Variants in SHTN1 observed in about 807,000 individuals in gnomAD.
SHTN1 encodes the protein shootin 1.
Under a neutral mutation model 83.1 loss-of-function variants are expected in SHTN1, and 42 were observed. The ratio of observed to expected loss-of-function variants is 0.51; its 90% CI spans 0.39 to 0.65. SHTN1 has a LOEUF of 0.65. SHTN1 is among the 30% of genes least tolerant of loss of function. SHTN1 has a pLI of 0.00. For missense variants in SHTN1, 622 were observed against 737.8 expected (o/e 0.84, Z 1.82); for synonymous variants, 224 against 247.7 (o/e 0.90, Z 0.90).
intron 1 of SHTN1, among the ~76,000 whole-genome samples, chr10:116,980,164 C>T (rs1262948457): frequency 6.6e-6 from 1 of 152,048 alleles, no homozygotes; most frequent in Non-Finnish European, 1.5e-5. Context: ...GTTTTGAACA[C>T]ATGAAGTGAG....
chr10:116,926,727 A>C (rs561814868), intron 11 of SHTN1, among the ~76,000 whole-genome samples: 52 of 151,914 alleles, frequency 3.4e-4, no homozygotes, highest in Middle Eastern at 6.8e-3. Flanking sequence ...AAAAAAAAAA[A>C]CCCTAGAAAA....
intron 12 of SHTN1, among the ~76,000 whole-genome samples, chr10:116,916,411 A>G (rs1848383906): frequency 6.6e-6 from 1 of 152,182 alleles, no homozygotes; most frequent in Non-Finnish European, 1.5e-5. Context: ...AGTTTATCTA[A>G]TAAGGACCTT....
At chr10:116,911,590 A>T in intron 14 of SHTN1, 200 bp downstream of exon 14, 2 of 1,551,196 alleles carry the variant, frequency 1.3e-6, no homozygotes, top group Non-Finnish European at 8.7e-7. Flanking sequence ...TTTAGAACAA[A>T]AACAGCACAG....
At chr10:116,915,519 T>G (rs1463099241) in intron 12 of SHTN1, 35 bp from the exon 13 acceptor site, 1 of 1,242,400 alleles carries the variant, frequency 8.0e-7, no homozygotes, top group Non-Finnish European at 1.2e-6. Context: ...TCCTCTTATG[T>G]TACAAGAAAA....
chr10:117,041,558 C>CAT (rs1220382544), intron 2 of SHTN1, among the ~76,000 whole-genome samples: 1 of 152,126 alleles, frequency 6.6e-6, no homozygotes, highest in Admixed American at 6.5e-5. Context: ...ATAGCATATA[C>CAT]ACAGGCTTAT....
At chr10:116,899,018 A>C (rs1239928738) in intron 16 of SHTN1, among the ~76,000 whole-genome samples, 1 of 152,210 alleles carries the variant, frequency 6.6e-6, no homozygotes, top group African/African-American at 2.4e-5. Flanking sequence ...TTTCTGGTTA[A>C]GTGAAGATCT....
chr10:117,031,672 T>C (rs1329736931), intron 2 of SHTN1, among the ~76,000 whole-genome samples: 2 of 152,164 alleles, frequency 1.3e-5, no homozygotes, highest in African/African-American at 4.8e-5. Context: ...GTTAAGTTGT[T>C]ATCAGCTTAA....
chr10:116,925,993 C>G (rs905090826), intron 11 of SHTN1, among the ~76,000 whole-genome samples: 9 of 151,628 alleles, frequency 5.9e-5, no homozygotes, highest in African/African-American at 1.7e-4. Context: ...CAAGAAAGCA[C>G]TCCTCACAAA....
chr10:116,921,859 G>C (rs764130867), intron 11 of SHTN1, among the ~76,000 whole-genome samples: 73 of 152,078 alleles, frequency 4.8e-4, no homozygotes, highest in Non-Finnish European at 4.7e-4. Flanking sequence ...AGGGAAGAAT[G>C]AAAGAATTAG....
intron 1 of SHTN1, among the ~76,000 whole-genome samples, chr10:117,078,129 A>G (rs1853189149): frequency 6.6e-6 from 1 of 152,228 alleles, no homozygotes; most frequent in South Asian, 2.1e-4. Context: ...GATCAGCTGC[A>G]GACAAGAGCA....
At chr10:116,993,042 G>A (rs1851502894) in intron 1 of SHTN1, among the ~76,000 whole-genome samples, 1 of 112,618 alleles carries the variant, frequency 8.9e-6, no homozygotes, top group South Asian at 2.9e-4. Flanking sequence ...TTGAGATGGA[G>A]TCTCGCTCTA....
rs891384861 is a variant in SHTN1 at position 117,067,571 on chromosome 10, G to A, written c.-188-19061C>T. ...GATCGCGCCACTGTACTCCAGCCTG[G>A]GCAACAGAGCAAAACTCCATCTAAA... On this transcript the variant is annotated intron_variant, in intron 1 of 17. Coordinates refer to the SHTN1 transcript ENST00000392901. Among the ~76,000 whole-genome samples, 6 of 151,842 alleles carry A rather than the reference G, an allele frequency of 4.0e-5. No individual in the cohort carries two copies. In the South Asian group the frequency reaches 1.0e-3, roughly 26 times the overall value.
At chr10:116,992,667 T>C (rs1004681459) in intron 1 of SHTN1, among the ~76,000 whole-genome samples, 3 of 152,014 alleles carry the variant, frequency 2.0e-5, no homozygotes, top group African/African-American at 7.2e-5. Context: ...CCTTTTAAAA[T>C]GCAAACTTCT....
At chr10:117,090,394 G>C (rs1234110136) in intron 1 of SHTN1, among the ~76,000 whole-genome samples, 1 of 152,112 alleles carries the variant, frequency 6.6e-6, no homozygotes, top group Non-Finnish European at 1.5e-5. Context: ...TGGTCGTCAG[G>C]GGCCAGGGGA....
At chr10:117,058,015 T>C (rs1852849865) in intron 1 of SHTN1, among the ~76,000 whole-genome samples, 1 of 152,088 alleles carries the variant, frequency 6.6e-6, no homozygotes, top group South Asian at 2.1e-4. Flanking sequence ...TAACACCATA[T>C]ACAAAAATTC....
At chr10:117,125,198 G>A (rs1420054413) in intron 1 of SHTN1, among the ~76,000 whole-genome samples, 1 of 152,106 alleles carries the variant, frequency 6.6e-6, no homozygotes, top group Admixed American at 6.6e-5. Flanking sequence ...GTATCCCCAG[G>A]CAGCTACCAT....
intron 7 of SHTN1, 113 bp from the exon 8 acceptor site, chr10:116,945,131 C>T: frequency 1.4e-6 from 1 of 693,320 alleles, no homozygotes; most frequent in Non-Finnish European, 2.5e-6. Flanking sequence ...CAGGTACCCT[C>T]ATGCATTCCT....
chr10:117,066,134 T>C (rs1852997307), intron 1 of SHTN1, among the ~76,000 whole-genome samples: 2 of 152,148 alleles, frequency 1.3e-5, no homozygotes, highest in Admixed American at 1.3e-4. Context: ...CAAGATTCCA[T>C]GTCTAACTAA....
intron 3 of SHTN1, among the ~76,000 whole-genome samples, chr10:116,968,233 T>C: frequency 6.6e-6 from 1 of 152,084 alleles, no homozygotes; most frequent in Non-Finnish European, 1.5e-5. Context: ...TGTACTGACA[T>C]GCAAATATGA....
Sources: gnomAD v4.1 joint callset for allele counts (sites outside exome capture counted in the v4.1 genomes callset) on GRCh38, gnomAD v4.1.1 for gene constraint, MANE v1.5 for transcripts, NCBI Gene and HGNC (gene_info 2026-07-23, HGNC 2026-07-21) for gene names.